Variants in PRKCE observed in about 807,000 individuals in gnomAD.
PRKCE encodes protein kinase C epsilon, also known as protein kinase C epsilon type.
A neutral mutation model predicts 85.4 loss-of-function variants in PRKCE; 16 were observed. The observed-to-expected ratio is 0.19, with a 90% CI of 0.13 to 0.28. The LOEUF (loss-of-function observed/expected upper bound fraction) is 0.28. PRKCE is among the 10% of genes least tolerant of loss of function. The pLI, the probability that PRKCE is intolerant of heterozygous loss-of-function variation, is 1.00. For synonymous variants in PRKCE, 388 were observed against 371.5 expected, an observed-to-expected ratio of 1.04 and a Z score of -0.51; for missense variants, 573 against 975.2, an observed-to-expected ratio of 0.59 and a Z score of 5.49.
At chr2:46,157,379 C>G (rs1677319490) in intron 13 of PRKCE, among the ~76,000 whole-genome samples, 1 of 152,112 alleles carries the variant, frequency 6.6e-6, no homozygotes, top group African/African-American at 2.4e-5. Flanking sequence ...GAGCAGTGGC[C>G]TTTAACTAGG....
intron 1 of PRKCE, among the ~76,000 whole-genome samples, chr2:45,838,128 GTGTC>G (rs1399605742): frequency 6.6e-6 from 1 of 152,172 alleles, no homozygotes; most frequent in African/African-American, 2.4e-5. Context: ...GGTGGTCAAG[GTGTC>G]TGAGGTATTG....
At chr2:45,753,550 G>T (rs925807175) in intron 1 of PRKCE, among the ~76,000 whole-genome samples, 1 of 151,544 alleles carries the variant, frequency 6.6e-6, no homozygotes, top group Admixed American at 6.6e-5. Flanking sequence ...TCATTCCAGG[G>T]TGTGCTGAGC....
At chr2:45,897,381 C>T (rs567195090) in intron 2 of PRKCE, among the ~76,000 whole-genome samples, 53 of 152,280 alleles carry the variant, frequency 3.5e-4, no homozygotes, top group African/African-American at 1.2e-3. Flanking sequence ...GGCATCATTG[C>T]GAACTTGGAA....
intron 1 of PRKCE, among the ~76,000 whole-genome samples, chr2:45,753,461 T>A (rs2104764191): frequency 6.6e-6 from 1 of 152,004 alleles, no homozygotes; most frequent in Non-Finnish European, 1.5e-5. Context: ...TTACTTGTAT[T>A]CCAATATACC....
intron 14 of PRKCE, among the ~76,000 whole-genome samples, chr2:46,168,975 C>T (rs547009850): frequency 6.6e-6 from 1 of 152,304 alleles, no homozygotes; most frequent in South Asian, 2.1e-4. Flanking sequence ...GGGTCAGAGC[C>T]TGGTTCGTGT....
At chr2:46,148,952 A>G (rs1574601287) in intron 12 of PRKCE, among the ~76,000 whole-genome samples, 2 of 152,294 alleles carry the variant, frequency 1.3e-5, no homozygotes, top group Middle Eastern at 3.4e-3. Context: ...AACACTAACC[A>G]CTGGGCTTAG....
At chr2:46,071,689 C>A (rs1668097492) in intron 10 of PRKCE, among the ~76,000 whole-genome samples, 1 of 152,160 alleles carries the variant, frequency 6.6e-6, no homozygotes, top group Non-Finnish European at 1.5e-5. Context: ...GTTAGGTTCC[C>A]AGGCATTTGT....
chr2:45,832,547 G>A (rs541395937), intron 1 of PRKCE, among the ~76,000 whole-genome samples: 1 of 152,132 alleles, frequency 6.6e-6, no homozygotes, highest in East Asian at 1.9e-4. Context: ...TCCTGACCTC[G>A]TGATCCGCCC....
At chr2:46,167,386 G>C (rs939270764) in intron 14 of PRKCE, among the ~76,000 whole-genome samples, 3 of 152,154 alleles carry the variant, frequency 2.0e-5, no homozygotes, top group Non-Finnish European at 2.9e-5. Flanking sequence ...GGTGTTGATG[G>C]TGTTGATGCT....
chr2:45,917,010 G>A (rs1268196365), intron 2 of PRKCE, among the ~76,000 whole-genome samples: 1 of 152,132 alleles, frequency 6.6e-6, no homozygotes, highest in Non-Finnish European at 1.5e-5. Flanking sequence ...TTATTGCAAA[G>A]AGTGAAAGAA....
chr2:46,014,148 A>AG (rs1386549279), intron 10 of PRKCE, among the ~76,000 whole-genome samples: 1 of 152,246 alleles, frequency 6.6e-6, no homozygotes, highest in Non-Finnish European at 1.5e-5. Context: ...AGGGCTAGTG[A>AG]GAAAAAGCAG....
At chr2:45,730,407 C>G (rs1262525769) in intron 1 of PRKCE, among the ~76,000 whole-genome samples, 1 of 151,616 alleles carries the variant, frequency 6.6e-6, no homozygotes, top group African/African-American at 2.4e-5. Flanking sequence ...ATCCTCCTAC[C>G]TTGGCCTCCC....
chr2:45,720,917 G>A (rs920828311), intron 1 of PRKCE, among the ~76,000 whole-genome samples: 1 of 152,046 alleles, frequency 6.6e-6, no homozygotes, highest in Admixed American at 6.6e-5. Context: ...GACCAGCCTG[G>A]CCAATATGGT....
rs942989944 is a variant in PRKCE, at chr2:46,139,746, A to G, written c.1593-5347A>G. On this transcript the variant is annotated intron_variant, in intron 11 of 14. Transcript: ENST00000306156. The surrounding 1 kb of genome is among the most constrained non-coding windows in gnomAD (Gnocchi z 5.2). ...TATACATATATATCTAGAGAGAGAG[A>G]GAGAGAATATATAGAAGGAGGAAAG... 6.6e-6 allele frequency among the ~76,000 whole-genome samples: 1 copy of G among 151,754 alleles called. No homozygotes were observed. The highest frequency in any genetic ancestry group is 2.4e-5 in the African/African-American group (1 of 41,284).
At chr2:46,161,192 C>A (rs1040382063) in intron 14 of PRKCE, among the ~76,000 whole-genome samples, 11 of 152,216 alleles carry the variant, frequency 7.2e-5, no homozygotes, top group African/African-American at 2.2e-4. Flanking sequence ...CCAGCCTGCC[C>A]CATTGCTGGG....
chr2:45,914,273 G>C (rs992636161), intron 2 of PRKCE, among the ~76,000 whole-genome samples: 14 of 152,220 alleles, frequency 9.2e-5, no homozygotes, highest in Admixed American at 1.3e-4. Flanking sequence ...GGAGTGTCTA[G>C]AATAGCTAAT....
chr2:45,964,591 T>C (rs1458600405), intron 2 of PRKCE, among the ~76,000 whole-genome samples: 2 of 152,188 alleles, frequency 1.3e-5, no homozygotes, highest in Non-Finnish European at 2.9e-5. Flanking sequence ...GACTGTAATA[T>C]GTAACTGTGA....
intron 1 of PRKCE, among the ~76,000 whole-genome samples, chr2:45,744,459 TTCTTTC>T (rs1440116692): frequency 1.6e-5 from 1 of 62,346 alleles, no homozygotes; most frequent in Admixed American, 1.5e-4. Context: ...CTTTCTTTCT[TTCTTTC>T]TTTCTTTCTT....
intron 1 of PRKCE, among the ~76,000 whole-genome samples, chr2:45,712,137 C>CTTTTTTTTTTTTTTTTTTTTTTTTT (rs34233761): frequency 2.2e-5 from 1 of 45,796 alleles, no homozygotes; most frequent in Admixed American, 3.6e-4. Context: ...ACGGCCTGTC[C>CTTTTTTTTTTTTTTTTTTTTTTTTT]TTTTTTTTTT....
Sources: allele counts gnomAD v4.1 joint callset (sites outside exome capture counted in the v4.1 genomes callset), GRCh38; gene constraint gnomAD v4.1.1; non-coding constraint Gnocchi (gnomAD v3.1); transcripts MANE v1.5; gene names NCBI Gene and HGNC (gene_info 2026-07-23, HGNC 2026-07-21).